The following COL18A1 variants were observed in gnomAD, a reference collection of about 807,000 sequenced individuals.
COL18A1 encodes collagen alpha-1(XVIII) chain.
A neutral mutation model predicts 168.0 loss-of-function variants in COL18A1; 133 were observed. The ratio of observed to expected loss-of-function variants is 0.79; its 90% CI spans 0.69 to 0.91. COL18A1 has a LOEUF of 0.91. Among genes scored for constraint, COL18A1 ranks in the 40% least tolerant of loss-of-function variants. The probability of loss-of-function intolerance (pLI) is 0.00; values close to 1 mark genes in which losing one functional copy is unlikely to be tolerated. For missense variants in COL18A1, 2,126 were observed against 1,925.4 expected (o/e 1.10, Z -1.95); for synonymous variants, 949 against 809.0 (o/e 1.17, Z -2.94).
intron 2 of COL18A1, among the ~76,000 whole-genome samples, chr21:45,427,975 T>TG (rs1165868193): frequency 6.6e-6 from 1 of 152,174 alleles, no homozygotes; most frequent in Non-Finnish European, 1.5e-5. Context: ...TCCCTGGCCC[T>TG]GCAGAGCCGG....
intron 9 of COL18A1, among the ~76,000 whole-genome samples, chr21:45,479,177 CGT>C (rs201015636): frequency 1.2e-4 from 16 of 137,622 alleles, no homozygotes; most frequent in Non-Finnish European, 1.6e-4. Flanking sequence ...TGTGACTGCG[CGT>C]GTGTGTGGGG....
intron 38 of COL18A1, 140 bp downstream of exon 38, chr21:45,507,733 G>C: frequency 1.2e-6 from 1 of 819,770 alleles, no homozygotes; most frequent in Non-Finnish European, 2.1e-6. Flanking sequence ...CCCTGCTGCA[G>C]AAACTGGTGC....
At chr21:45,456,344 C>G in intron 2 of COL18A1, 1 of 1,550,606 alleles carries the variant, frequency 6.4e-7, no homozygotes, top group South Asian at 1.2e-5. Flanking sequence ...GATGGGCTCC[C>G]TGGGCAAGCA....
chr21:45,506,778 ACC>A (rs1568945880), intron 37 of COL18A1: 155 of 51,376 alleles, frequency 3.0e-3, no homozygotes, highest in African/African-American at 9.9e-3. Context: ...GAACCCTCCC[ACC>A]TTCCCTCTGG....
intron 15 of COL18A1, 81 bp downstream of exon 15, chr21:45,482,902 C>A: frequency 6.2e-7 from 1 of 1,605,732 alleles, no homozygotes. Flanking sequence ...GGGTGGCAGC[C>A]CCACGGTCGA....
chr21:45,439,848 G>A (rs1202690745), intron 2 of COL18A1, among the ~76,000 whole-genome samples: 3 of 152,262 alleles, frequency 2.0e-5, no homozygotes, highest in Admixed American at 1.3e-4. Flanking sequence ...GCGAGCCTGT[G>A]AAGTCCATTA....
At chr21:45,480,365 T>A (rs2035849688) in intron 11 of COL18A1, 102 bp from the exon 12 acceptor site, 1 of 1,605,202 alleles carries the variant, frequency 6.2e-7, no homozygotes, top group African/African-American at 1.3e-5. Flanking sequence ...CTCAGCTCCT[T>A]GTAGAAACAG....
intron 41 of COL18A1, among the ~76,000 whole-genome samples, chr21:45,511,788 G>A (rs894057233): frequency 6.6e-6 from 1 of 152,192 alleles, no homozygotes; most frequent in African/African-American, 2.4e-5. Context: ...ACCTGCCAAG[G>A]GTCTCTGACA....
chr21:45,482,046 A>G (rs1417574380), intron 14 of COL18A1, 21 bp downstream of exon 14: 2 of 1,604,670 alleles, frequency 1.2e-6, no homozygotes, highest in Non-Finnish European at 1.7e-6. Flanking sequence ...CCTCGAGTCC[A>G]GGGTGAGTGG....
intron 16 of COL18A1, 58 bp from the exon 17 acceptor site, chr21:45,487,389 A>G (rs2036152455): frequency 6.3e-7 from 1 of 1,589,250 alleles, no homozygotes; most frequent in Non-Finnish European, 8.6e-7. Flanking sequence ...CACCCCAGGG[A>G]GGGGTCCTTC....
Position 45,479,891 on chromosome 21 carries a change from TTG to T in COL18A1, c.1249-7_1249-6del, listed in dbSNP as rs1435013143. On this transcript the variant is annotated splice_polypyrimidine_tract_variant and intron_variant, in intron 9 of 41. Transcript: ENST00000651438. ...CCTTCCCTGACCGGGCCCCCGGATG[TTG>T]TGTTCCAGGGCGACACCGGGCCACA... 7 of 1,613,328 alleles carry T rather than the reference TTG, an allele frequency of 4.3e-6. No homozygotes were observed. The South Asian group carries it at 7.7e-5, about 18-fold the overall frequency.
chr21:45,441,853 C>T (rs1442153875), intron 2 of COL18A1, among the ~76,000 whole-genome samples: 2 of 152,224 alleles, frequency 1.3e-5, no homozygotes, highest in African/African-American at 4.8e-5. Context: ...CGGCTCTCTC[C>T]ATAAAGGAGG....
At chr21:45,465,723 A>G (rs78159340) in intron 2 of COL18A1, among the ~76,000 whole-genome samples, 4,432 of 152,226 alleles carry the variant, frequency 0.029, 231 homozygotes, top group African/African-American at 0.1. Context: ...TCAAAGGGGC[A>G]GCAGAGACTC....
intron 2 of COL18A1, chr21:45,455,425 G>A: frequency 6.6e-7 from 1 of 1,516,930 alleles, no homozygotes; most frequent in Non-Finnish European, 9.0e-7. Context: ...CCGGCCAGAG[G>A]CTGGGAAGCC....
intron 32 of COL18A1, among the ~76,000 whole-genome samples, chr21:45,501,334 ACAT>A (rs1363667039): frequency 6.6e-6 from 1 of 152,062 alleles, no homozygotes; most frequent in Non-Finnish European, 1.5e-5. Context: ...GGAGATCTGA[ACAT>A]CAGGTCTGAC....
At chr21:45,440,807 G>A (rs1044581106) in intron 2 of COL18A1, among the ~76,000 whole-genome samples, 3 of 152,200 alleles carry the variant, frequency 2.0e-5, no homozygotes, top group Non-Finnish European at 2.9e-5. Context: ...GCCGGACTCC[G>A]CCCCAGACCT....
intron 40 of COL18A1, among the ~76,000 whole-genome samples, chr21:45,510,472 C>G (rs991675274): frequency 6.6e-6 from 1 of 152,202 alleles, no homozygotes; most frequent in Non-Finnish European, 1.5e-5. Context: ...ACTGCCACGT[C>G]CCCCAGGGCA....
At chr21:45,412,266 T>C (rs1314935850) in intron 2 of COL18A1, among the ~76,000 whole-genome samples, 13 of 148,584 alleles carry the variant, frequency 8.7e-5, no homozygotes, top group Admixed American at 6.1e-4. Flanking sequence ...AGATGGAGTC[T>C]GGCTCTGTTG....
At chr21:45,452,169 C>T (rs1039269467) in intron 2 of COL18A1, among the ~76,000 whole-genome samples, 2 of 152,254 alleles carry the variant, frequency 1.3e-5, no homozygotes, top group Admixed American at 1.3e-4. Flanking sequence ...GAGCCACAGT[C>T]GGGCCCTTTA....
Sources: gnomAD v4.1 joint callset for allele counts (sites outside exome capture counted in the v4.1 genomes callset) on GRCh38, gnomAD v4.1.1 for gene constraint, MANE v1.5 for transcripts, NCBI Gene and HGNC (gene_info 2026-07-23, HGNC 2026-07-21) for gene names.